B4GALNT3: variants seen among roughly 807,000 people sequenced by gnomAD.
B4GALNT3 encodes the protein beta-1,4-N-acetyl-galactosaminyltransferase 3, also known as beta-1,4-N-acetylgalactosaminyltransferase 3.
A neutral mutation model predicts 120.2 loss-of-function variants in B4GALNT3; 86 were observed. That is an observed-to-expected ratio of 0.72 (90% confidence interval 0.60 to 0.86). The LOEUF (loss-of-function observed/expected upper bound fraction) is 0.86, where lower values mean the gene tolerates loss of function less well. Ranked by LOEUF, B4GALNT3 falls within the 40% of genes least tolerant of loss-of-function variation. The probability of loss-of-function intolerance (pLI) is 0.00; values close to 1 mark genes in which losing one functional copy is unlikely to be tolerated. For missense variants in B4GALNT3, 1,167 were observed against 1,298.9 expected, an observed-to-expected ratio of 0.90 and a Z score of 1.56; for synonymous variants, 518 against 510.4, an observed-to-expected ratio of 1.01 and a Z score of -0.20.
At chr12:538,385 T>G (rs940247282) in intron 3 of B4GALNT3, among the ~76,000 whole-genome samples, 1 of 151,394 alleles carries the variant, frequency 6.6e-6, no homozygotes, top group African/African-American at 2.4e-5. Context: ...GGTGAGACCT[T>G]GTCTCTACAA....
At position 555,006 on chromosome 12, in the gene B4GALNT3, C is replaced by T. The variant is rs1009086431; in HGVS notation, c.2060+1023C>T. Among the ~76,000 whole-genome samples, 4 of 151,412 alleles carry T rather than the reference C, an allele frequency of 2.6e-5. No individual in the cohort carries two copies. The South Asian group carries it at 8.4e-4, about 32-fold the overall frequency. On this transcript the variant is annotated intron_variant, in intron 14 of 19. Coordinates refer to ENST00000266383, the MANE Select transcript of B4GALNT3 (RefSeq NM_173593.4). ...CAGCTTGACCAACACAGTGAAACCC[C>T]ATCTCTAATAAAAATACAAAAATTA...
chr12:515,588 T>C (rs1211897126), intron 1 of B4GALNT3, among the ~76,000 whole-genome samples: 1 of 152,210 alleles, frequency 6.6e-6, no homozygotes, highest in Non-Finnish European at 1.5e-5. Context: ...GTGTTAGCTC[T>C]TATTGTTTTT....
Position 521,373 on chromosome 12 carries a change from G to A in B4GALNT3, c.170-13793G>A, listed in dbSNP as rs115579777. 9.7e-3 allele frequency among the ~76,000 whole-genome samples: 1,481 copies of A among 152,318 alleles called. 23 individuals carry two copies. The highest frequency in any genetic ancestry group is 0.034 in the African/African-American group (1,407 of 41,564). On this transcript the variant is annotated intron_variant, in intron 1 of 19. Coordinates refer to ENST00000266383, the MANE Select transcript of B4GALNT3 (RefSeq NM_173593.4). ...GCAGAGACACACTGAGGTGTCTGGAGCCGGGTCACTGGGTGGCTGTTGAGA... is the reference window on the plus strand; with the variant it reads ...GCAGAGACACACTGAGGTGTCTGGAACCGGGTCACTGGGTGGCTGTTGAGA...
chr12:554,752 T>C (rs577251745), intron 14 of B4GALNT3, among the ~76,000 whole-genome samples: 6 of 99,638 alleles, frequency 6.0e-5, no homozygotes, highest in South Asian at 3.9e-4. Context: ...ATTGCGCCAC[T>C]GCACTCCAGC....
At chr12:559,480 G>T in intron 19 of B4GALNT3, 59 bp downstream of exon 19, 4 of 1,602,306 alleles carry the variant, frequency 2.5e-6, no homozygotes, top group Non-Finnish European at 3.4e-6. Flanking sequence ...CTCCAGGCAG[G>T]GAGCCAGGCT....
chr12:532,443 A>G (rs576442595), intron 1 of B4GALNT3, among the ~76,000 whole-genome samples: 3 of 152,352 alleles, frequency 2.0e-5, no homozygotes, highest in East Asian at 1.9e-4. Context: ...CTGCTGCAAC[A>G]TGGGAGAGAG....
At chr12:486,205 CTT>C (rs59345776) in intron 1 of B4GALNT3, among the ~76,000 whole-genome samples, 2,279 of 98,008 alleles carry the variant, frequency 0.023, 22 homozygotes, top group South Asian at 0.1. Context: ...CCAAAATATT[CTT>C]TTTTTTTTTT....
intron 1 of B4GALNT3, among the ~76,000 whole-genome samples, chr12:510,594 A>G (rs1174288553): frequency 6.8e-6 from 1 of 146,548 alleles, no homozygotes; most frequent in Non-Finnish European, 1.5e-5. Flanking sequence ...AATTGGTTTA[A>G]TAAGTAAACG....
At chr12:477,103 T>G (rs1220389987) in intron 1 of B4GALNT3, among the ~76,000 whole-genome samples, 1 of 152,194 alleles carries the variant, frequency 6.6e-6, no homozygotes, top group East Asian at 1.9e-4. Context: ...CCTGCCCATA[T>G]AGCAGTTTAT....
At chr12:512,310 TCTTCCAC>T (rs1197006527) in intron 1 of B4GALNT3, among the ~76,000 whole-genome samples, 46 of 107,022 alleles carry the variant, frequency 4.3e-4, no homozygotes, top group Admixed American at 9.5e-4. Flanking sequence ...CCTTCCACCT[TCTTCCAC>T]CTTCCACCTT....
chr12:489,679 A>T (rs931381766), intron 1 of B4GALNT3, among the ~76,000 whole-genome samples: 1 of 152,254 alleles, frequency 6.6e-6, no homozygotes, highest in Non-Finnish European at 1.5e-5. Context: ...GAAGACTTCA[A>T]CATCTCTCTA....
intron 1 of B4GALNT3, among the ~76,000 whole-genome samples, chr12:471,535 C>A (rs551269703): frequency 6.6e-6 from 1 of 151,496 alleles, no homozygotes; most frequent in Non-Finnish European, 1.5e-5. Context: ...GGTGAAACCC[C>A]GTCTCTACTA....
At chr12:470,284 C>G (rs1254603337) in intron 1 of B4GALNT3, among the ~76,000 whole-genome samples, 1 of 152,214 alleles carries the variant, frequency 6.6e-6, no homozygotes, top group Non-Finnish European at 1.5e-5. Flanking sequence ...ACATGGTCTC[C>G]GTACAAGCAG....
intron 11 of B4GALNT3, among the ~76,000 whole-genome samples, chr12:551,318 T>G (rs1392644573): frequency 6.6e-6 from 1 of 152,182 alleles, no homozygotes; most frequent in Non-Finnish European, 1.5e-5. Flanking sequence ...GGCTGAGGCT[T>G]CTTAAGCTCC....
chr12:509,354 C>T (rs933694204), intron 1 of B4GALNT3, among the ~76,000 whole-genome samples: 7 of 152,050 alleles, frequency 4.6e-5, no homozygotes, highest in Non-Finnish European at 7.4e-5. Context: ...AACTCATGCG[C>T]GTGGAGAGGA....
intron 1 of B4GALNT3, among the ~76,000 whole-genome samples, chr12:524,586 C>T (rs1379373921): frequency 6.6e-6 from 1 of 150,500 alleles, no homozygotes; most frequent in Non-Finnish European, 1.5e-5. Context: ...GATTCCATTG[C>T]TTTTGCATTC....
chr12:560,306 G>A (rs1254408471), intron 19 of B4GALNT3, among the ~76,000 whole-genome samples: 1 of 152,142 alleles, frequency 6.6e-6, no homozygotes, highest in Non-Finnish European at 1.5e-5. Context: ...TTCTTCCCGA[G>A]AGGCAGGACA....
intron 3 of B4GALNT3, among the ~76,000 whole-genome samples, chr12:539,545 AAAAAAAG>A (rs963915011): frequency 2.0e-5 from 3 of 151,970 alleles, no homozygotes; most frequent in African/African-American, 4.8e-5. Context: ...AAAAAAAAAA[AAAAAAAG>A]AAAGAAACAG....
chr12:524,677 G>A (rs1385245434), intron 1 of B4GALNT3, among the ~76,000 whole-genome samples: 1 of 151,426 alleles, frequency 6.6e-6, no homozygotes, highest in Non-Finnish European at 1.5e-5. Context: ...GAAAACAAAC[G>A]AGTTAAATCT....
Sources: allele counts gnomAD v4.1 joint callset (sites outside exome capture counted in the v4.1 genomes callset), GRCh38; gene constraint gnomAD v4.1.1; transcripts MANE v1.5; gene names NCBI Gene and HGNC (gene_info 2026-07-23, HGNC 2026-07-21).